NEK11: variants seen among roughly 807,000 people sequenced by gnomAD.
NEK11 encodes serine/threonine-protein kinase Nek11.
A neutral mutation model predicts 80.7 loss-of-function variants in NEK11; 72 were observed. The ratio of observed to expected loss-of-function variants is 0.89; its 90% CI spans 0.74 to 1.08. NEK11 has a LOEUF of 1.08. Ranked by LOEUF, NEK11 falls within the 50% of genes least tolerant of loss-of-function variation. NEK11 has a pLI of 0.00. For synonymous variants in NEK11, 251 were observed against 260.7 expected, an observed-to-expected ratio of 0.96 and a Z score of 0.36; for missense variants, 764 against 763.6, an observed-to-expected ratio of 1.00 and a Z score of -0.01.
intron 14 of NEK11, among the ~76,000 whole-genome samples, chr3:131,182,422 G>C (rs941412321): frequency 4.6e-5 from 7 of 152,146 alleles, no homozygotes; most frequent in Admixed American, 1.3e-4. Flanking sequence ...AGTATGTGAA[G>C]TCGCCAGCAT....
intron 14 of NEK11, among the ~76,000 whole-genome samples, chr3:131,221,839 G>A (rs2095036616): frequency 6.6e-6 from 1 of 152,130 alleles, no homozygotes; most frequent in Non-Finnish European, 1.5e-5. Context: ...CAGACGAGTG[G>A]CATAGTTAGA....
At chr3:131,117,311 C>T (rs1236101778) in intron 5 of NEK11, among the ~76,000 whole-genome samples, 1 of 152,190 alleles carries the variant, frequency 6.6e-6, no homozygotes, top group Non-Finnish European at 1.5e-5. Flanking sequence ...TTTCTGAGGG[C>T]TCTGTTCTGT....
At chr3:131,136,260 T>G (rs1454755528) in intron 7 of NEK11, among the ~76,000 whole-genome samples, 1 of 152,168 alleles carries the variant, frequency 6.6e-6, no homozygotes, top group Non-Finnish European at 1.5e-5. Flanking sequence ...CAAAGTGGGC[T>G]TATCTGGTAA....
intron 14 of NEK11, among the ~76,000 whole-genome samples, chr3:131,186,190 A>C (rs147972242): frequency 9.2e-5 from 14 of 152,342 alleles, no homozygotes; most frequent in African/African-American, 2.4e-4. Context: ...GAAACCTTAT[A>C]ATTTTAGCCC....
chr3:131,120,592 CT>C (rs1303806030), intron 5 of NEK11, among the ~76,000 whole-genome samples: 1 of 152,182 alleles, frequency 6.6e-6, no homozygotes, highest in Non-Finnish European at 1.5e-5. Context: ...TGGTTCTATT[CT>C]CCCTGTCGCT....
chr3:131,154,309 G>A (rs553607987), intron 9 of NEK11, among the ~76,000 whole-genome samples: 6 of 152,258 alleles, frequency 3.9e-5, no homozygotes, highest in African/African-American at 7.2e-5. Context: ...GGTATTCACA[G>A]GGATCTGCTG....
intron 15 of NEK11, among the ~76,000 whole-genome samples, chr3:131,236,991 T>A (rs1580678457): frequency 6.6e-6 from 1 of 152,318 alleles, no homozygotes; most frequent in South Asian, 2.1e-4. Context: ...CCAGGGCTGT[T>A]CTGGACACCA....
chr3:131,187,992 AAC>A (rs1485199400), intron 14 of NEK11, among the ~76,000 whole-genome samples: 10 of 152,188 alleles, frequency 6.6e-5, no homozygotes, highest in African/African-American at 2.4e-4. Context: ...TAAAATAGCT[AAC>A]AGTCATTAGT....
intron 4 of NEK11, among the ~76,000 whole-genome samples, chr3:131,101,478 G>A (rs901711081): frequency 4.6e-5 from 7 of 152,032 alleles, no homozygotes; most frequent in Admixed American, 4.6e-4. Flanking sequence ...CCTTAATTTT[G>A]TTGTTAACCC....
At chr3:131,028,552 TTTTTTG>T (rs140998369) in intron 2 of NEK11, among the ~76,000 whole-genome samples, 63,392 of 149,788 alleles carry the variant, frequency 0.42, 15,700 homozygotes, top group Middle Eastern at 0.66. Flanking sequence ...TGCCTTTCTT[TTTTTTG>T]TTTTTGTTTT....
intron 15 of NEK11, among the ~76,000 whole-genome samples, chr3:131,233,023 A>T (rs2095361238): frequency 1.3e-5 from 2 of 149,832 alleles, no homozygotes; most frequent in African/African-American, 4.9e-5. Context: ...GAAGGAAGGA[A>T]GGAAGGAAGG....
intron 17 of NEK11, among the ~76,000 whole-genome samples, chr3:131,332,591 C>A (rs886314526): frequency 3.3e-5 from 5 of 152,214 alleles, no homozygotes; most frequent in African/African-American, 2.4e-5. Flanking sequence ...CAGTTCCTCA[C>A]CAGCAACGGA....
intron 4 of NEK11, among the ~76,000 whole-genome samples, chr3:131,097,893 C>G (rs1578215610): frequency 6.9e-6 from 1 of 144,882 alleles, no homozygotes; most frequent in East Asian, 1.9e-4. Context: ...ATCACGCTAC[C>G]TGACTTCAAA....
intron 10 of NEK11, among the ~76,000 whole-genome samples, chr3:131,160,491 C>T (rs1020200781): frequency 4.6e-5 from 7 of 152,192 alleles, no homozygotes; most frequent in Non-Finnish European, 1.0e-4. Context: ...AGTACACAGA[C>T]TCTAAGTGAC....
Position 131,213,416 on chromosome 3 carries a change from A to T in NEK11, c.1400-15112A>T, listed in dbSNP as rs200529466. On this transcript the variant is annotated intron_variant, in intron 14 of 17. Transcript: ENST00000383366. ...TGATGTTAGGATTTTATTGAAGAGAAACTCTCATTTGGCTTACAAGGTGTT... is the reference window on the plus strand; with the variant it reads ...TGATGTTAGGATTTTATTGAAGAGATACTCTCATTTGGCTTACAAGGTGTT... Among the ~76,000 whole-genome samples, 13 of 152,330 alleles carry T rather than the reference A, an allele frequency of 8.5e-5. No individual in the cohort carries two copies. The East Asian group carries it at 2.3e-3, about 27-fold the overall frequency.
rs551558642 is a variant in NEK11, at chr3:131,191,943, A to G, written c.1399+21056A>G. Among the ~76,000 whole-genome samples, 11 of 152,312 alleles carry G rather than the reference A, an allele frequency of 7.2e-5. No individual in the cohort carries two copies. The East Asian group carries it at 2.1e-3, about 29-fold the overall frequency. On this transcript the variant is annotated intron_variant, in intron 14 of 17. Transcript: ENST00000383366. ...GCAACAAAAGAAAACATAAACATGG[A>G]TTTCATCAAAATGAGAAATTTTTAT...
chr3:131,265,641 A>G (rs1032372408), intron 16 of NEK11, among the ~76,000 whole-genome samples: 5 of 152,130 alleles, frequency 3.3e-5, no homozygotes, highest in African/African-American at 4.8e-5. Flanking sequence ...GGATTTTCGC[A>G]TCGATGTTTA....
intron 5 of NEK11, among the ~76,000 whole-genome samples, chr3:131,115,294 C>G (rs2080831098): frequency 6.6e-6 from 1 of 152,202 alleles, no homozygotes; most frequent in Admixed American, 6.5e-5. Flanking sequence ...CTGAATTACA[C>G]TATTGGCTTT....
rs555182806 is a variant in NEK11, at chr3:131,266,832, T to C, written c.1622-6646T>C. Among the ~76,000 whole-genome samples the C allele has an allele frequency of 5.3e-5, 8 of 152,292 alleles. No individual in the cohort carries two copies. The East Asian group carries it at 1.5e-3, about 29-fold the overall frequency. On this transcript the variant is annotated intron_variant, in intron 16 of 17. Transcript: ENST00000383366. Reference sequence around the variant, plus strand: ...TTATTGTGTGTGAGTCTAAGTCTCTTTGTAGGTCTCTGAGGGCTTGCTTTA... The same window carrying C: ...TTATTGTGTGTGAGTCTAAGTCTCTCTGTAGGTCTCTGAGGGCTTGCTTTA...
Sources: gnomAD v4.1 joint callset for allele counts (sites outside exome capture counted in the v4.1 genomes callset) on GRCh38, gnomAD v4.1.1 for gene constraint, MANE v1.5 for transcripts, NCBI Gene and HGNC (gene_info 2026-07-23, HGNC 2026-07-21) for gene names.